Variants in FBXO33 observed in about 807,000 individuals in gnomAD.
FBXO33 encodes F-box protein 33.
FBXO33 carries 22 observed loss-of-function variants against 46.3 expected under a neutral mutation model. The observed-to-expected ratio is 0.48, with a 90% CI of 0.34 to 0.68. FBXO33 has a LOEUF of 0.68. Among genes scored for constraint, FBXO33 ranks in the 30% least tolerant of loss-of-function variants. The pLI is 0.01. For synonymous variants in FBXO33, 337 were observed against 291.3 expected (o/e 1.16, Z -1.60); for missense variants, 692 against 708.8 (o/e 0.98, Z 0.27).
In FBXO33 at chr14:39,397,774, C is replaced by CATTG. The variant is rs1280065594; in HGVS notation, c.*1738_*1741dup. On this transcript the variant is annotated 3_prime_UTR_variant, in exon 4 of 4. Transcript: ENST00000298097. ...CAATGATCATTTTTAATGCTTTATT[C>CATTG]ATTGATTAAAAGAATATACATTTAA... is the stretch of plus-strand genomic sequence containing the variant. 4 of 152,554 alleles carry CATTG rather than the reference C, an allele frequency of 2.6e-5. No individual in the cohort carries two copies. The allele number at this position is 152,554 out of a possible 1,614,324, so 9.5% of individuals were successfully genotyped here.
At chr14:39,429,698 T>A (rs1242806544) in intron 1 of FBXO33, among the ~76,000 whole-genome samples, 8 of 152,106 alleles carry the variant, frequency 5.3e-5, no homozygotes, top group Admixed American at 5.2e-4. Flanking sequence ...TACAACACCA[T>A]GCTAATAGTA....
At chr14:39,430,637 G>A (rs1390993344) in intron 1 of FBXO33, among the ~76,000 whole-genome samples, 1 of 152,154 alleles carries the variant, frequency 6.6e-6, no homozygotes, top group Non-Finnish European at 1.5e-5. Context: ...AACTGCTGAA[G>A]TATTTTTACT....
intron 1 of FBXO33, among the ~76,000 whole-genome samples, chr14:39,429,036 G>T (rs2075530235): frequency 6.6e-6 from 1 of 152,134 alleles, no homozygotes; most frequent in Admixed American, 6.5e-5. Flanking sequence ...TAAGATACAG[G>T]TATGGCAACT....
At chr14:39,424,919 G>A (rs2075503648) in intron 1 of FBXO33, among the ~76,000 whole-genome samples, 1 of 152,040 alleles carries the variant, frequency 6.6e-6, no homozygotes, top group Non-Finnish European at 1.5e-5. Context: ...TGGGCGTGGT[G>A]GTGCATCCTG....
rs1023968862 is a variant in FBXO33, at chr14:39,423,009, C to T, written c.599+8555G>A. On this transcript the variant is annotated intron_variant, in intron 1 of 3. Coordinates refer to ENST00000298097, the MANE Select transcript of FBXO33 (RefSeq NM_203301.4). The stretch of plus-strand genomic sequence containing the variant: ...TGGTGGCGTGTGCCTGTAGTCCCAG[C>T]TACTCGGGAGGCTGAGGCAGGAGAA... 5.3e-5 allele frequency among the ~76,000 whole-genome samples: 8 copies of T among 152,070 alleles called. 1 individual carries two copies. The South Asian group carries it at 1.2e-3, about 24-fold the overall frequency.
At position 39,423,750 on chromosome 14, in the gene FBXO33, G is replaced by C. The variant is rs150148791; in HGVS notation, c.599+7814C>G. Among the ~76,000 whole-genome samples, 95 of 152,218 alleles carry C rather than the reference G, an allele frequency of 6.2e-4. 1 individual carries two copies. Among genetic ancestry groups the C allele is most frequent in the Non-Finnish European group, 1.2e-3 (80 of 68,000 alleles). The stretch of plus-strand genomic sequence containing the variant: ...ATGGTTACCTTTGAGGAAAGGGAGT[G>C]GTAACTGGTAGGGGTCACAAAGGGA... On this transcript the variant is annotated intron_variant, in intron 1 of 3. Coordinates refer to ENST00000298097, the MANE Select transcript of FBXO33 (RefSeq NM_203301.4).
At position 39,402,400 on chromosome 14, in the gene FBXO33, C is replaced by T; in HGVS notation, c.710+1G>A. The stretch of plus-strand genomic sequence containing the variant: ...TCCTTTCCATTAACCATATAACTTA[C>T]TGTTTAATTTTTTTGCCATCAGGGT... On this transcript the variant is annotated splice_donor_variant, in intron 2 of 3. Transcript: ENST00000298097. LOFTEE classifies it high-confidence loss of function. 1 of 1,524,656 alleles carries T rather than the reference C, an allele frequency of 6.6e-7. No individual in the cohort carries two copies. The highest frequency in any genetic ancestry group is 8.9e-7 in the Non-Finnish European group (1 of 1,121,946). 94.4% of individuals were successfully genotyped at this position (1,524,656 alleles called of 1,614,324 possible).
At position 39,432,426 on chromosome 14, in the gene FBXO33, G is replaced by C. The variant is rs1348690583; in HGVS notation, c.-264C>G. On this transcript the variant is annotated 5_prime_UTR_variant, in exon 1 of 4. Coordinates refer to ENST00000298097, the MANE Select transcript of FBXO33 (RefSeq NM_203301.4). Reference sequence around the variant, plus strand: ...CCCTGCGCCGGTCGGCAGAGACAGAGAAGTGGTAGGAGCTGAGTTTGACGT... The same window carrying C: ...CCCTGCGCCGGTCGGCAGAGACAGACAAGTGGTAGGAGCTGAGTTTGACGT... 1 of 214,778 alleles carries C rather than the reference G, an allele frequency of 4.7e-6. No homozygotes were observed. The highest frequency in any genetic ancestry group is 5.9e-5 in the Admixed American group (1 of 17,054). 13.3% of individuals were successfully genotyped at this position (214,778 alleles called of 1,614,324 possible). A position where few individuals can be genotyped will look rare whatever the true frequency, so the allele number is the denominator to read the frequency against.
At chr14:39,404,358 G>A (rs1219180850) in intron 1 of FBXO33, among the ~76,000 whole-genome samples, 1 of 152,012 alleles carries the variant, frequency 6.6e-6, no homozygotes, top group Non-Finnish European at 1.5e-5. Flanking sequence ...ATGGAGTCTC[G>A]CTCTGTCGCC....
chr14:39,418,013 C>A (rs1398359001), intron 1 of FBXO33, among the ~76,000 whole-genome samples: 3 of 151,902 alleles, frequency 2.0e-5, no homozygotes, highest in Non-Finnish European at 2.9e-5. Flanking sequence ...CACATTTTAC[C>A]CAGTGATCAT....
Position 39,399,334 on chromosome 14 carries a change from T to G in FBXO33, c.*182A>C. 1.9e-6 allele frequency: 1 copy of G among 522,180 alleles called. No homozygotes were observed. Among genetic ancestry groups the G allele is most frequent in the South Asian group, 4.1e-5 (1 of 24,664 alleles). 32.3% of individuals were successfully genotyped at this position (522,180 alleles called of 1,614,324 possible). Reference sequence around the variant, plus strand: ...GTGAAAGCCCTATACATTGTCACTTTGAACTTCTAAACCAATACCCGACTA... The same window carrying G: ...GTGAAAGCCCTATACATTGTCACTTGGAACTTCTAAACCAATACCCGACTA... On this transcript the variant is annotated 3_prime_UTR_variant, in exon 4 of 4. Coordinates refer to ENST00000298097, the MANE Select transcript of FBXO33 (RefSeq NM_203301.4).
At position 39,431,970 on chromosome 14, in the gene FBXO33, C is replaced by T. The variant is rs1489295751; in HGVS notation, c.193G>A (p.Ala65Thr). ...RRGRMALCGQ[A>T]AGAASLPSEL... ...CTGGGCAGCGACGCAGCGCCCGCCG[C>T]CTGCCCGCACAGAGCCATCCGGCCC... The change falls in exon 1 of 4, where the codon GCG becomes ACG. Residue 65 changes from alanine to threonine, a missense_variant. By Grantham distance (58) the Ala-to-Thr change is moderately conservative. Coordinates refer to ENST00000298097, the MANE Select transcript of FBXO33 (RefSeq NM_203301.4). 3 of 1,525,730 alleles carry T rather than the reference C, an allele frequency of 2.0e-6. No homozygotes were observed. Among genetic ancestry groups the T allele is most frequent in the Non-Finnish European group, 2.6e-6 (3 of 1,142,784 alleles). 94.5% of individuals were successfully genotyped at this position (1,525,730 alleles called of 1,614,324 possible). A position where few individuals can be genotyped will look rare whatever the true frequency, so the allele number is the denominator to read the frequency against.
At chr14:39,428,635 C>T (rs1406768454) in intron 1 of FBXO33, among the ~76,000 whole-genome samples, 1 of 152,188 alleles carries the variant, frequency 6.6e-6, no homozygotes, top group Non-Finnish European at 1.5e-5. Flanking sequence ...TATGGCTACT[C>T]TTCAGGTATT....
chr14:39,430,938 TG>T (rs2075542523), intron 1 of FBXO33, among the ~76,000 whole-genome samples: 1 of 152,092 alleles, frequency 6.6e-6, no homozygotes, highest in Non-Finnish European at 1.5e-5. Flanking sequence ...TACTTTTAGG[TG>T]AACTACTGGG....
intron 1 of FBXO33, among the ~76,000 whole-genome samples, chr14:39,420,392 C>G (rs892421756): frequency 1.3e-5 from 2 of 152,174 alleles, no homozygotes; most frequent in African/African-American, 4.8e-5. Flanking sequence ...TAAAATACTT[C>G]AGTGCAGAAG....
intron 1 of FBXO33, among the ~76,000 whole-genome samples, chr14:39,426,546 A>G (rs2075516092): frequency 6.6e-6 from 1 of 152,178 alleles, no homozygotes; most frequent in Non-Finnish European, 1.5e-5. Context: ...TATATTCCAA[A>G]CTTCATTAAA....
chr14:39,426,370 T>C (rs2075514666), intron 1 of FBXO33, among the ~76,000 whole-genome samples: 1 of 152,178 alleles, frequency 6.6e-6, no homozygotes. Context: ...GCTACCATCA[T>C]CTCTTGCTTA....
chr14:39,405,957 G>A (rs1258249174), intron 1 of FBXO33, among the ~76,000 whole-genome samples: 1 of 149,944 alleles, frequency 6.7e-6, no homozygotes, highest in Non-Finnish European at 1.5e-5. Flanking sequence ...ACATTTCAAG[G>A]AGACATCGAA....
intron 1 of FBXO33, among the ~76,000 whole-genome samples, chr14:39,429,366 G>A (rs1391070063): frequency 6.6e-6 from 1 of 152,196 alleles, no homozygotes; most frequent in Non-Finnish European, 1.5e-5. Flanking sequence ...ACTTGGAAAT[G>A]TAAAGAGCAA....
Sources: allele counts gnomAD v4.1 joint callset (sites outside exome capture counted in the v4.1 genomes callset), GRCh38; gene constraint gnomAD v4.1.1; transcripts MANE v1.5; gene names NCBI Gene and HGNC (gene_info 2026-07-23, HGNC 2026-07-21).